Variants in SHROOM3 observed in about 807,000 individuals in gnomAD.
SHROOM3 encodes shroom family member 3.
In SHROOM3, 47 loss-of-function variants were observed where a neutral mutation model predicts 138.6. The ratio of observed to expected loss-of-function variants is 0.34; its 90% CI spans 0.27 to 0.43. SHROOM3 has a LOEUF of 0.43. Among genes scored for constraint, SHROOM3 ranks in the 20% least tolerant of loss-of-function variants. The pLI, the probability that SHROOM3 is intolerant of heterozygous loss-of-function variation, is 1.00. For synonymous variants in SHROOM3, 1,062 were observed against 1,063.3 expected (o/e 1.00, Z 0.02); for missense variants, 2,491 against 2,596.5 (o/e 0.96, Z 0.88).
At chr4:76,624,409 G>C (rs1735077823) in intron 2 of SHROOM3, among the ~76,000 whole-genome samples, 1 of 152,144 alleles carries the variant, frequency 6.6e-6, no homozygotes, top group Non-Finnish European at 1.5e-5. Context: ...TCAGCTGCCT[G>C]CTTTGCTCCC....
intron 2 of SHROOM3, among the ~76,000 whole-genome samples, chr4:76,708,885 A>C (rs1395215353): frequency 1.3e-5 from 2 of 152,228 alleles, no homozygotes; most frequent in Non-Finnish European, 2.9e-5. Context: ...ACCAATTTTC[A>C]AACTTCAAGT....
At chr4:76,589,075 C>T (rs1164868376) in intron 2 of SHROOM3, among the ~76,000 whole-genome samples, 1 of 152,168 alleles carries the variant, frequency 6.6e-6, no homozygotes, top group Non-Finnish European at 1.5e-5. Context: ...AGCCGCAGAG[C>T]GGTATGGGTG....
intron 2 of SHROOM3, among the ~76,000 whole-genome samples, chr4:76,613,135 G>A (rs1734798577): frequency 1.3e-5 from 2 of 152,168 alleles, no homozygotes; most frequent in South Asian, 4.1e-4. Context: ...GGCATTGTAG[G>A]ATAGGCAGGT....
chr4:76,587,198 C>T (rs1734173829), intron 2 of SHROOM3: 1 of 152,080 alleles, frequency 6.6e-6, no homozygotes, highest in Admixed American at 6.5e-5. Context: ...ACCATCCTGT[C>T]TTTTCTCTGG....
At chr4:76,580,668 T>G (rs934817086) in intron 2 of SHROOM3, among the ~76,000 whole-genome samples, 1 of 152,098 alleles carries the variant, frequency 6.6e-6, no homozygotes, top group Non-Finnish European at 1.5e-5. Flanking sequence ...TCAGGTGATC[T>G]GCCGGCCTCG....
At chr4:76,721,497 G>A (rs539299490) in intron 3 of SHROOM3, among the ~76,000 whole-genome samples, 1 of 152,266 alleles carries the variant, frequency 6.6e-6, no homozygotes, top group African/African-American at 2.4e-5. Context: ...GGAAATAAAG[G>A]TATGAGGAAG....
At chr4:76,467,408 A>C (rs1357635767) in intron 1 of SHROOM3, among the ~76,000 whole-genome samples, 1 of 152,130 alleles carries the variant, frequency 6.6e-6, no homozygotes, top group Non-Finnish European at 1.5e-5. Flanking sequence ...AAGCTGCCTG[A>C]AATCGCATGC....
intron 1 of SHROOM3, among the ~76,000 whole-genome samples, chr4:76,449,390 T>C (rs1730877740): frequency 6.6e-6 from 1 of 152,204 alleles, no homozygotes; most frequent in Non-Finnish European, 1.5e-5. Flanking sequence ...AATGTGGTAA[T>C]GGTGTGAAGT....
Position 76,710,257 on chromosome 4 carries a change from C to G in SHROOM3, c.425C>G (p.Ser142Ter). The G allele has an allele frequency of 6.2e-7, 1 of 1,614,030 alleles. No homozygotes were observed. Among genetic ancestry groups the G allele is most frequent in the Non-Finnish European group, 8.5e-7 (1 of 1,179,990 alleles). Reference protein sequence around the residue: ...SGPQHRKAAWSGGVKLRLKHR... With the variant: ...SGPQHRKAAW Reference sequence around the variant, plus strand: ...CCCCAGCACAGGAAAGCAGCGTGGTCAGGAGGGGTTAAACTTCGGCTGAAG... The same window carrying G: ...CCCCAGCACAGGAAAGCAGCGTGGTGAGGAGGGGTTAAACTTCGGCTGAAG... The change falls in exon 3 of 11, where the codon TCA becomes TGA. Residue 142 changes from serine to a stop codon, truncating the protein, a stop_gained. Coordinates refer to ENST00000296043, the MANE Select transcript of SHROOM3 (RefSeq NM_020859.4). LOFTEE classifies it high-confidence loss of function.
chr4:76,738,500 C>T (rs768458679), intron 4 of SHROOM3, among the ~76,000 whole-genome samples: 1 of 152,180 alleles, frequency 6.6e-6, no homozygotes, highest in African/African-American at 2.4e-5. Flanking sequence ...CCAAAGGCCA[C>T]GTGGCTTCCT....
At chr4:76,460,983 G>A (rs1330577580) in intron 1 of SHROOM3, among the ~76,000 whole-genome samples, 1 of 150,598 alleles carries the variant, frequency 6.6e-6, no homozygotes, top group Non-Finnish European at 1.5e-5. Context: ...GTGTTGGAGT[G>A]AGACCCTGTT....
At chr4:76,525,378 C>A (rs1052499192) in intron 1 of SHROOM3, among the ~76,000 whole-genome samples, 41 of 152,304 alleles carry the variant, frequency 2.7e-4, no homozygotes, top group Admixed American at 1.1e-3. Flanking sequence ...CCCCCATGAT[C>A]TAATTATCTC....
chr4:76,586,416 T>C, intron 2 of SHROOM3: 3 of 985,508 alleles, frequency 3.0e-6, no homozygotes, highest in Non-Finnish European at 3.6e-6. Context: ...AGGACAGAAA[T>C]GACCAACAGA....
intron 2 of SHROOM3, among the ~76,000 whole-genome samples, chr4:76,610,144 CT>C (rs1305005687): frequency 6.6e-6 from 1 of 152,200 alleles, no homozygotes; most frequent in Non-Finnish European, 1.5e-5. Flanking sequence ...AAGCCAGTGC[CT>C]GTCTTTCCTT....
At position 76,741,672 on chromosome 4, in the gene SHROOM3, C is replaced by T; in HGVS notation, c.3499C>T (p.Pro1167Ser). The T allele has an allele frequency of 1.3e-6, 2 of 1,550,680 alleles. No individual in the cohort carries two copies. The highest frequency in any genetic ancestry group is 1.7e-6 in the Non-Finnish European group (2 of 1,151,262). The change falls in exon 5 of 11, where the codon CCC (proline) becomes TCC (serine). Residue 1167 changes from proline (P) to serine (S), a missense_variant. This residue lies in a region of SHROOM3 where 1,733 missense variants were observed against 1,661.6 expected (regional missense o/e 1.04). Transcript: ENST00000296043. This position sits in a 1 kb window ranked among gnomAD's most constrained non-coding sequence, Gnocchi z 6.2. ...CACAGTTGCAGAAACCCAGCAGGCT[C>T]CCCGAGATCGCAGCAGCTCCTTCGC... is the stretch of plus-strand genomic sequence containing the variant. ...PATVAETQQA[P>S]RDRSSSFAGG...
intron 2 of SHROOM3, among the ~76,000 whole-genome samples, chr4:76,576,537 G>A (rs1222316902): frequency 3.9e-5 from 6 of 152,088 alleles, no homozygotes; most frequent in African/African-American, 1.4e-4. Flanking sequence ...GGTAGGGATG[G>A]TTAATGCATA....
intron 2 of SHROOM3, among the ~76,000 whole-genome samples, chr4:76,696,257 G>A (rs1175766629): frequency 6.6e-6 from 1 of 152,166 alleles, no homozygotes; most frequent in Non-Finnish European, 1.5e-5. Context: ...AGAATTGCAG[G>A]ACTGTCACTT....
chr4:76,549,662 C>G (rs182431788), intron 1 of SHROOM3, among the ~76,000 whole-genome samples: 2 of 151,998 alleles, frequency 1.3e-5, no homozygotes, highest in Non-Finnish European at 2.9e-5. Flanking sequence ...CCACTGCGCC[C>G]GGCAGTGGCT....
At chr4:76,511,372 C>G (rs1319362331) in intron 1 of SHROOM3, among the ~76,000 whole-genome samples, 4 of 151,520 alleles carry the variant, frequency 2.6e-5, no homozygotes, top group Non-Finnish European at 5.9e-5. Context: ...AGATCACTAC[C>G]TGCTCTTAGT....
Sources: allele counts gnomAD v4.1 joint callset (sites outside exome capture counted in the v4.1 genomes callset), GRCh38; gene constraint gnomAD v4.1.1; regional missense constraint gnomAD v4.1.1; non-coding constraint Gnocchi (gnomAD v3.1); transcripts MANE v1.5; gene names NCBI Gene and HGNC (gene_info 2026-07-23, HGNC 2026-07-21).